Variants in IMMP2L observed in about 807,000 individuals in gnomAD.
IMMP2L encodes mitochondrial inner membrane protease subunit 2.
A neutral mutation model predicts 19.3 loss-of-function variants in IMMP2L; 18 were observed. The ratio of observed to expected loss-of-function variants is 0.93; its 90% CI spans 0.64 to 1.38. IMMP2L has a LOEUF of 1.38. IMMP2L is among the 40% of genes most tolerant of loss of function. IMMP2L has a pLI of 0.00. For missense variants in IMMP2L, 233 were observed against 218.2 expected, an observed-to-expected ratio of 1.07 and a Z score of -0.43; for synonymous variants, 76 against 73.0, an observed-to-expected ratio of 1.04 and a Z score of -0.21.
chr7:111,267,962 T>C (rs1818008112), intron 3 of IMMP2L, among the ~76,000 whole-genome samples: 1 of 152,112 alleles, frequency 6.6e-6, no homozygotes, highest in Non-Finnish European at 1.5e-5. Context: ...CATGCCTGTA[T>C]GCTATCTATT....
chr7:110,778,361 T>G (rs1426384318), intron 5 of IMMP2L, among the ~76,000 whole-genome samples: 1 of 151,934 alleles, frequency 6.6e-6, no homozygotes, highest in Middle Eastern at 3.2e-3. Context: ...TTAAGGAACA[T>G]GTATTTAGCA....
intron 3 of IMMP2L, among the ~76,000 whole-genome samples, chr7:111,159,781 A>G (rs553168277): frequency 1.3e-5 from 2 of 152,132 alleles, no homozygotes; most frequent in Non-Finnish European, 2.9e-5. Context: ...AAAAAAGTGA[A>G]CTTTTGATAA....
chr7:111,188,585 T>G (rs1808525596), intron 3 of IMMP2L, among the ~76,000 whole-genome samples: 1 of 152,124 alleles, frequency 6.6e-6, no homozygotes, highest in Admixed American at 6.5e-5. Flanking sequence ...GGAGTAGACA[T>G]TCAGTCCATA....
chr7:111,337,455 TGG>T (rs1826549544), intron 3 of IMMP2L, among the ~76,000 whole-genome samples: 1 of 36,416 alleles, frequency 2.7e-5, no homozygotes, highest in South Asian at 1.3e-3. Flanking sequence ...GATGGAAGGA[TGG>T]ATGGATGGAT....
chr7:110,716,987 G>C (rs1004997916), intron 5 of IMMP2L, among the ~76,000 whole-genome samples: 1 of 152,194 alleles, frequency 6.6e-6, no homozygotes, highest in South Asian at 2.1e-4. Flanking sequence ...TTTCATGATA[G>C]ATGTCTGGAA....
At chr7:110,868,888 G>A (rs1808270909) in intron 5 of IMMP2L, among the ~76,000 whole-genome samples, 1 of 147,346 alleles carries the variant, frequency 6.8e-6, no homozygotes, top group African/African-American at 2.5e-5. Context: ...AATGCAAAAA[G>A]AAACCTCTGA....
chr7:111,557,090 C>T (rs1447554504), intron 1 of IMMP2L, among the ~76,000 whole-genome samples: 1 of 152,000 alleles, frequency 6.6e-6, no homozygotes, highest in African/African-American at 2.4e-5. Flanking sequence ...GCAAATTCTC[C>T]CTCATCTTAC....
intron 3 of IMMP2L, among the ~76,000 whole-genome samples, chr7:111,099,286 C>T (rs1263920736): frequency 2.6e-5 from 4 of 151,440 alleles, no homozygotes; most frequent in Non-Finnish European, 5.9e-5. Flanking sequence ...CACTTTTTTC[C>T]CCTCATGCAT....
chr7:110,925,196 G>A (rs2129550967), intron 4 of IMMP2L, among the ~76,000 whole-genome samples: 1 of 152,178 alleles, frequency 6.6e-6, no homozygotes, highest in South Asian at 2.1e-4. Context: ...TTTCTATACG[G>A]ATATACTGTT....
chr7:111,112,858 A>ACCCCC (rs1364322007), intron 3 of IMMP2L, among the ~76,000 whole-genome samples: 3 of 152,170 alleles, frequency 2.0e-5, no homozygotes, highest in Non-Finnish European at 2.9e-5. Flanking sequence ...ACCCCAGCAC[A>ACCCCC]CCCGAAAATG....
Position 110,662,900 on chromosome 7 carries a change from G to A in IMMP2L, c.*702C>T, listed in dbSNP as rs534363758. ...GGCATGAGATCACTCAGAAATGTTG[G>A]ATTACAAAGGGCCAATAAGAAAGGC... On this transcript the variant is annotated 3_prime_UTR_variant, in exon 6 of 6. Transcript: ENST00000405709. Among the ~76,000 whole-genome samples the A allele has an allele frequency of 3.3e-5, 5 of 152,314 alleles. No individual in the cohort carries two copies. The highest frequency in any genetic ancestry group is 4.1e-4 in the South Asian group (2 of 4,830).
chr7:110,720,571 G>A (rs746631304), intron 5 of IMMP2L, among the ~76,000 whole-genome samples: 15 of 152,086 alleles, frequency 9.9e-5, no homozygotes, highest in South Asian at 2.1e-4. Context: ...GATGTCTCAC[G>A]TACATACAAT....
At chr7:111,504,338 A>G (rs905935218) in intron 2 of IMMP2L, among the ~76,000 whole-genome samples, 16 of 152,276 alleles carry the variant, frequency 1.1e-4, no homozygotes, top group Non-Finnish European at 2.1e-4. Context: ...AAACAAATGG[A>G]AGGGCATTCC....
chr7:111,535,904 T>C (rs557371670), intron 1 of IMMP2L, among the ~76,000 whole-genome samples: 1 of 152,256 alleles, frequency 6.6e-6, no homozygotes, highest in East Asian at 1.9e-4. Context: ...TACCATTCCC[T>C]ACTCCAAAGA....
chr7:111,285,362 A>C (rs757850862), intron 3 of IMMP2L, among the ~76,000 whole-genome samples: 2 of 152,192 alleles, frequency 1.3e-5, no homozygotes, highest in African/African-American at 2.4e-5. Flanking sequence ...TTTCCTTGGG[A>C]AAGACCTGAT....
intron 5 of IMMP2L, among the ~76,000 whole-genome samples, chr7:110,689,996 C>T (rs981680765): frequency 1.3e-4 from 20 of 152,230 alleles, no homozygotes; most frequent in East Asian, 1.9e-4. Context: ...AGTCCTGAGA[C>T]GAAAAAACTA....
intron 5 of IMMP2L, among the ~76,000 whole-genome samples, chr7:110,743,140 G>A (rs1297886947): frequency 6.6e-6 from 1 of 152,118 alleles, no homozygotes; most frequent in Non-Finnish European, 1.5e-5. Context: ...ATTAATGTAG[G>A]TTCTCAAAAT....
chr7:111,149,576 C>G (rs1481882528), intron 3 of IMMP2L, among the ~76,000 whole-genome samples: 1 of 152,114 alleles, frequency 6.6e-6, no homozygotes, highest in African/African-American at 2.4e-5. Context: ...CCTAACTTTT[C>G]TTAACTTTTT....
chr7:111,009,483 A>G (rs1247947365), intron 3 of IMMP2L, among the ~76,000 whole-genome samples: 1 of 152,028 alleles, frequency 6.6e-6, no homozygotes, highest in Non-Finnish European at 1.5e-5. Context: ...CCCCTCATAC[A>G]TAACAGGCAC....
Sources: gnomAD v4.1 joint callset for allele counts (sites outside exome capture counted in the v4.1 genomes callset) on GRCh38, gnomAD v4.1.1 for gene constraint, MANE v1.5 for transcripts, NCBI Gene and HGNC (gene_info 2026-07-23, HGNC 2026-07-21) for gene names.